RAVER2: variants seen among roughly 807,000 people sequenced by gnomAD.
The protein encoded by RAVER2 is ribonucleoprotein PTB-binding 2.
In RAVER2, 46 loss-of-function variants were observed where a neutral mutation model predicts 78.1. The observed-to-expected ratio is 0.59, with a 90% CI of 0.46 to 0.75. The LOEUF (loss-of-function observed/expected upper bound fraction) is 0.75, where lower values mean the gene tolerates loss of function less well. RAVER2 is among the 30% of genes least tolerant of loss of function. RAVER2 has a pLI of 0.00. For synonymous variants in RAVER2, 311 were observed against 313.3 expected (o/e 0.99, Z 0.08); for missense variants, 793 against 837.5 (o/e 0.95, Z 0.66).
chr1:64,826,960 G>C (rs188721939), intron 11 of RAVER2, among the ~76,000 whole-genome samples: 22 of 152,252 alleles, frequency 1.4e-4, no homozygotes, highest in Admixed American at 1.3e-3. Context: ...TGTGTGGGTG[G>C]AGCAAGTTTT....
chr1:64,818,178 A>AT (rs1016297060), intron 11 of RAVER2, among the ~76,000 whole-genome samples: 7 of 152,306 alleles, frequency 4.6e-5, no homozygotes, highest in Admixed American at 3.9e-4. Flanking sequence ...TAAAAACCTA[A>AT]TTGGCATTTC....
Position 64,745,230 on chromosome 1 carries a change from G to T in RAVER2, c.58G>T (p.Ala20Ser), listed in dbSNP as rs1206034373. The change falls in exon 1 of 12, where the codon GCG becomes TCG. Residue 20 changes from alanine (A) to serine (S), a missense_variant. By Grantham distance (99) the Ala-to-Ser change is moderately conservative (BLOSUM62 1). Coordinates refer to ENST00000294428, the Ensembl canonical transcript of RAVER2. The surrounding 1 kb of genome is among the most constrained non-coding windows in gnomAD (Gnocchi z 4.3). ...GGGGGGCGCGGGCCTGGGCAGCGCG[G>T]CGGGGCTGGGGCCGGGGCCGGGGCT... 2.3e-5 allele frequency: 25 copies of T among 1,105,464 alleles called. No homozygotes were observed. Among genetic ancestry groups the T allele is most frequent in the Non-Finnish European group, 2.5e-5 (23 of 905,696 alleles). The allele number at this position is 1,105,464 out of a possible 1,614,324, so 68.5% of individuals were successfully genotyped here. A position where few individuals can be genotyped will look rare whatever the true frequency, so the allele number is the denominator to read the frequency against.
intron 1 of RAVER2, among the ~76,000 whole-genome samples, chr1:64,749,669 ATAATT>A (rs1651643084): frequency 6.6e-6 from 1 of 152,238 alleles, no homozygotes; most frequent in South Asian, 2.1e-4. Context: ...TTTTTAATGA[ATAATT>A]TATAGTCAAT....
At chr1:64,794,600 TG>T (rs1653043949) in intron 5 of RAVER2, among the ~76,000 whole-genome samples, 2 of 152,228 alleles carry the variant, frequency 1.3e-5, no homozygotes, top group African/African-American at 4.8e-5. Context: ...TTTTGACTAA[TG>T]ATTTTGAGCT....
chr1:64,831,148 G>A (rs1042371893), exon 12 of RAVER2: 10 of 626,806 alleles, frequency 1.6e-5, no homozygotes, highest in Non-Finnish European at 2.5e-5. Context: ...ATAAAAAATA[G>A]CAATAAGAAG....
chr1:64,818,982 C>CA (rs1653820109), intron 11 of RAVER2, among the ~76,000 whole-genome samples: 2 of 152,134 alleles, frequency 1.3e-5, no homozygotes, highest in African/African-American at 4.8e-5. Flanking sequence ...ACAGAGGAGA[C>CA]AGAGTTTGGA....
At chr1:64,830,562 A>G (rs972069392) in intron 11 of RAVER2, among the ~76,000 whole-genome samples, 1 of 152,202 alleles carries the variant, frequency 6.6e-6, no homozygotes, top group Non-Finnish European at 1.5e-5. Flanking sequence ...AAGCAGCTGC[A>G]TGCAGTGCTC....
At chr1:64,777,846 C>A in exon 3 of RAVER2, 5 of 1,614,052 alleles carry the variant, frequency 3.1e-6, no homozygotes, top group Non-Finnish European at 4.2e-6. Flanking sequence ...AAGTTACTGG[C>A]CATTCCAAAG....
intron 4 of RAVER2, among the ~76,000 whole-genome samples, chr1:64,789,096 A>T (rs2478153): frequency 0.011 from 1,721 of 152,294 alleles, 39 homozygotes; most frequent in African/African-American, 0.039. Context: ...ATAACTTCAG[A>T]TTCCCTTGTC....
chr1:64,750,799 G>A (rs1010170445), intron 1 of RAVER2, among the ~76,000 whole-genome samples: 1 of 152,062 alleles, frequency 6.6e-6, no homozygotes, highest in Middle Eastern at 3.2e-3. Flanking sequence ...TTTTCTTAGT[G>A]TATGCTGTGC....
intron 10 of RAVER2, 77 bp from the exon 11 acceptor site, chr1:64,814,627 T>A (rs1348241191): frequency 1.4e-5 from 11 of 784,892 alleles, no homozygotes; most frequent in Non-Finnish European, 1.8e-5. Flanking sequence ...TAAAATAATT[T>A]ATTTAAAATA....
At chr1:64,804,864 T>A in intron 7 of RAVER2, 26 bp downstream of exon 7, 1 of 1,519,892 alleles carries the variant, frequency 6.6e-7, no homozygotes, top group Non-Finnish European at 9.1e-7. Context: ...TTTTTTCTTT[T>A]AAAATCAGTT....
chr1:64,829,360 C>A (rs1438173255), intron 11 of RAVER2, among the ~76,000 whole-genome samples: 2 of 152,132 alleles, frequency 1.3e-5, no homozygotes, highest in Non-Finnish European at 2.9e-5. Flanking sequence ...CTGATGACTT[C>A]TAAGAGGAGG....
Position 64,813,583 on chromosome 1 carries a change from A to AG in RAVER2, c.1792+735dup, listed in dbSNP as rs1182479129. On this transcript the variant is annotated intron_variant, in intron 10 of 11. Transcript: ENST00000294428. ...AAATTCTAAACTATTACCTCTGGGAAGAAGAATAGGATTAAATGAAAAGAG... is the reference window on the plus strand; with the variant it reads ...AAATTCTAAACTATTACCTCTGGGAAGGAAGAATAGGATTAAATGAAAAGAG... Among the ~76,000 whole-genome samples, 3 of 152,346 alleles carry AG rather than the reference A, an allele frequency of 2.0e-5. No homozygotes were observed. The East Asian group carries it at 5.8e-4, about 29-fold the overall frequency.
At chr1:64,758,091 ACT>A (rs1005739388) in intron 1 of RAVER2, among the ~76,000 whole-genome samples, 10 of 151,954 alleles carry the variant, frequency 6.6e-5, no homozygotes, top group African/African-American at 2.2e-4. Context: ...GGGTTCTGAC[ACT>A]CTGCTGGCTT....
intron 5 of RAVER2, among the ~76,000 whole-genome samples, chr1:64,797,900 T>C (rs1325286489): frequency 6.6e-6 from 1 of 151,940 alleles, no homozygotes; most frequent in East Asian, 1.9e-4. Flanking sequence ...TGTGTGACTT[T>C]AAAGTAATGT....
chr1:64,754,581 A>G (rs185500528), intron 1 of RAVER2, among the ~76,000 whole-genome samples: 1 of 152,292 alleles, frequency 6.6e-6, no homozygotes, highest in East Asian at 1.9e-4. Context: ...TAATTATTCA[A>G]TCAGTCAACT....
chr1:64,814,905 G>C, intron 11 of RAVER2, 65 bp downstream of exon 11: 3 of 1,303,542 alleles, frequency 2.3e-6, no homozygotes, highest in Non-Finnish European at 3.1e-6. Context: ...TGAGTTCACT[G>C]AATATGAAAT....
At chr1:64,748,506 C>T (rs1436765065) in intron 1 of RAVER2, among the ~76,000 whole-genome samples, 2 of 152,202 alleles carry the variant, frequency 1.3e-5, no homozygotes, top group African/African-American at 2.4e-5. Context: ...TTGTCCTTAA[C>T]AGTAAAGAAC....
Sources: gnomAD v4.1 joint callset for allele counts (sites outside exome capture counted in the v4.1 genomes callset) on GRCh38, gnomAD v4.1.1 for gene constraint, Gnocchi (gnomAD v3.1) non-coding constraint, MANE v1.5 for transcripts, NCBI Gene and HGNC (gene_info 2026-07-23, HGNC 2026-07-21) for gene names.